Variants in RORC observed in about 807,000 individuals in gnomAD.
RORC encodes the protein RAR related orphan receptor C.
Under a neutral mutation model 64.5 loss-of-function variants are expected in RORC, and 13 were observed. That is an observed-to-expected ratio of 0.20 (90% CI 0.13 to 0.32). The LOEUF (loss-of-function observed/expected upper bound fraction) is 0.32, where lower values mean the gene tolerates loss of function less well. RORC is among the 10% of genes least tolerant of loss of function. The pLI is 1.00. For missense variants in RORC, 468 were observed against 669.5 expected (o/e 0.70, Z 3.32); for synonymous variants, 277 against 259.3 (o/e 1.07, Z -0.65).
chr1:151,824,773 T>C (rs1466592257), intron 2 of RORC, among the ~76,000 whole-genome samples: 3 of 152,218 alleles, frequency 2.0e-5, no homozygotes, highest in East Asian at 1.9e-4. Flanking sequence ...TGTTCTATCT[T>C]AAAATTCAGC....
chr1:151,825,988 G>GT, intron 2 of RORC: 2 of 1,610,264 alleles, frequency 1.2e-6, no homozygotes, highest in Non-Finnish European at 1.7e-6. Flanking sequence ...TCAGCAGGGG[G>GT]TGGTCCAGGA....
chr1:151,811,563 T>A, intron 9 of RORC, 129 bp from the exon 10 acceptor site: 1 of 549,950 alleles, frequency 1.8e-6, no homozygotes, highest in Non-Finnish European at 3.3e-6. Context: ...TGCATGTGTG[T>A]GCCTTGGTTT....
intron 2 of RORC, among the ~76,000 whole-genome samples, chr1:151,822,176 C>G (rs1203118528): frequency 6.6e-6 from 1 of 152,002 alleles, no homozygotes; most frequent in Non-Finnish European, 1.5e-5. Flanking sequence ...ACCACAGCTC[C>G]GGTCAGGGGT....
intron 2 of RORC, 125 bp from the exon 3 acceptor site, chr1:151,817,405 G>C (rs745676364): frequency 2.1e-5 from 14 of 672,828 alleles, no homozygotes; most frequent in Non-Finnish European, 3.5e-5. Context: ...CCAGCTTGCT[G>C]TTTCCCTCTT....
intron 4 of RORC, 42 bp downstream of exon 4, chr1:151,816,622 A>T: frequency 6.4e-7 from 1 of 1,569,036 alleles, no homozygotes; most frequent in Non-Finnish European, 8.6e-7. Flanking sequence ...GCCCCTCTGG[A>T]GACACCAGGA....
intron 10 of RORC, among the ~76,000 whole-genome samples, chr1:151,808,418 C>T (rs1056331713): frequency 1.3e-5 from 2 of 152,208 alleles, no homozygotes; most frequent in Admixed American, 6.5e-5. Context: ...CTTGCAGTCT[C>T]CTCTACAACC....
At chr1:151,810,105 T>G (rs74774218) in intron 10 of RORC, among the ~76,000 whole-genome samples, 1,972 of 152,314 alleles carry the variant, frequency 0.013, 53 homozygotes, top group African/African-American at 0.045. Flanking sequence ...ATTTTTCTCC[T>G]GTTGTTCTTG....
chr1:151,811,700 C>A, intron 9 of RORC: 1 of 285,968 alleles, frequency 3.5e-6, no homozygotes, highest in Non-Finnish European at 6.7e-6. Flanking sequence ...ACCTGATATT[C>A]CACATAGCTC....
At chr1:151,821,361 A>G (rs1185073484) in intron 2 of RORC, among the ~76,000 whole-genome samples, 1 of 152,142 alleles carries the variant, frequency 6.6e-6, no homozygotes, top group Non-Finnish European at 1.5e-5. Flanking sequence ...CGGGGTCCTC[A>G]TCTCCTCCTG....
chr1:151,824,106 A>T (rs1159422166), intron 2 of RORC, among the ~76,000 whole-genome samples: 1 of 152,172 alleles, frequency 6.6e-6, no homozygotes, highest in Non-Finnish European at 1.5e-5. Flanking sequence ...GGTGTGTCAC[A>T]GTCCCAAGCC....
chr1:151,831,739 T>C lies in RORC; in HGVS notation c.26A>G (p.His9Arg), dbSNP rs200855307. 1.7e-5 allele frequency: 27 copies of C among 1,610,578 alleles called. No individual in the cohort carries two copies. Among genetic ancestry groups the C allele is most frequent in the Non-Finnish European group, 2.1e-5 (25 of 1,179,970 alleles). The part of the protein sequence containing the change: MDRAPQRQ[H>R]RASRELLAAK... ...GGGCCTCTTACCCCGTGAGGCTCGG[T>C]GCTGTCTCTGTGGGGCCCTGTCCAT... The change falls in exon 1 of 11, where the codon CAC (histidine) becomes CGC (arginine). Residue 9 changes from histidine (H) to arginine (R), a missense_variant. Physicochemically the swap from His to Arg is conservative, Grantham distance 29 (BLOSUM62 0). Coordinates refer to ENST00000318247, the MANE Select transcript of RORC (RefSeq NM_005060.4).
intron 1 of RORC, chr1:151,831,123 C>T (rs1652395740): frequency 1.6e-6 from 2 of 1,284,060 alleles, no homozygotes; most frequent in Non-Finnish European, 2.0e-6. Flanking sequence ...GGCCCAGTGC[C>T]CCACATTCTC....
At chr1:151,823,083 T>C (rs1244805750) in intron 2 of RORC, among the ~76,000 whole-genome samples, 1 of 152,128 alleles carries the variant, frequency 6.6e-6, no homozygotes, top group Non-Finnish European at 1.5e-5. Context: ...TTGGTATTTC[T>C]GTTAGGAATG....
At position 151,813,619 on chromosome 1, in the gene RORC, G is replaced by C. The variant is rs142790947; in HGVS notation, c.935C>G (p.Ser312Cys). The C allele has an allele frequency of 6.2e-7, 1 of 1,614,152 alleles. No homozygotes were observed. Among genetic ancestry groups the C allele is most frequent in the East Asian group, 2.2e-5 (1 of 44,876 alleles). ...ACACCGTTCCCACATCTCCCACATG[G>C]ACTGCAGGGAGGGAGGAGGGTCCCG... Reference protein sequence around the residue: ...REEVTGYQRKSMWEMWERCAH... With the variant: ...REEVTGYQRKCMWEMWERCAH... Residue 312 changes from serine (S) to cysteine (C), a missense_variant and splice_region_variant, in exon 7 of 11, where the codon TCC becomes TGC. Coordinates refer to ENST00000318247, the MANE Select transcript of RORC (RefSeq NM_005060.4).
chr1:151,812,338 A>G (rs1327424358), intron 9 of RORC: 2 of 152,354 alleles, frequency 1.3e-5, no homozygotes, highest in Non-Finnish European at 2.9e-5. Context: ...AACCATATTC[A>G]ATAAATTACA....
At position 151,815,128 on chromosome 1, in the gene RORC, G is replaced by A. The variant is rs141253212; in HGVS notation, c.596C>T (p.Ser199Leu). 63 of 1,614,042 alleles carry A rather than the reference G, an allele frequency of 3.9e-5. No individual in the cohort carries two copies. The highest frequency in any genetic ancestry group is 8.0e-5 in the African/African-American group (6 of 74,942). Residue 199 changes from serine to leucine, a missense_variant, in exon 5 of 11, where the codon TCA (serine) becomes TTA (leucine). By Grantham distance (145) the Ser-to-Leu change is moderately radical. Coordinates refer to ENST00000318247, the MANE Select transcript of RORC (RefSeq NM_005060.4). ...NLAKAGLNGA[S>L]CHLEYSPERG... ...CTCAGGGCTGTATTCAAGGTGGCAT[G>A]AGGCCCCATTGAGCCCTGCCTTGGC...
intron 10 of RORC, among the ~76,000 whole-genome samples, chr1:151,809,497 G>A (rs1174099595): frequency 4.7e-5 from 7 of 150,292 alleles, no homozygotes; most frequent in South Asian, 2.1e-4. Context: ...CCGTGGGTGC[G>A]GAGTAGGTGT....
Position 151,807,552 on chromosome 1 carries a change from C to A in RORC, c.1477G>T (p.Val493Leu). The A allele has an allele frequency of 6.2e-7, 1 of 1,613,924 alleles. No homozygotes were observed. Among genetic ancestry groups the A allele is most frequent in the Non-Finnish European group, 8.5e-7 (1 of 1,179,942 alleles). Residue 493 changes from valine to leucine, a missense_variant, in exon 11 of 11, where the codon GTG (valine) becomes TTG (leucine). Physicochemically the swap from Val to Leu is conservative, Grantham distance 32. Transcript: ENST00000318247. The surrounding 1 kb of genome is among the most constrained non-coding windows in gnomAD (Gnocchi z 5.0). ...AGTGGAGGGAAAGCGGCTTGGACCA[C>A]GATGGGGTGGAGGTGCTGGAAGATC... Reference protein sequence around the residue: ...LQIFQHLHPIVVQAAFPPLYK... With the variant: ...LQIFQHLHPILVQAAFPPLYK...
Position 151,814,615 on chromosome 1 carries a change from T to C in RORC, c.892A>G (p.Asn298Asp), listed in dbSNP as rs780914666. 6.2e-7 allele frequency: 1 copy of C among 1,612,742 alleles called. No homozygotes were observed. The highest frequency in any genetic ancestry group is 8.5e-7 in the Non-Finnish European group (1 of 1,179,410). ...RLEDLLRQRSNIFSREEVTGY... is the reference protein window; with the variant it reads ...RLEDLLRQRSDIFSREEVTGY... ...GTCACTTCCTCCCGGGAGAAGATGT[T>C]GGAGCGCTGCCGCAGCAGGTCCTCC... The change falls in exon 6 of 11, where the codon AAC becomes GAC. Residue 298 changes from asparagine (N) to aspartate (D), a missense_variant. Asn to Asp is a conservative substitution (Grantham distance 23, BLOSUM62 1). This residue lies in a region of RORC where 100 missense variants were observed against 190.8 expected (regional missense o/e 0.52). Transcript: ENST00000318247.
Sources: gnomAD v4.1 joint callset for allele counts (sites outside exome capture counted in the v4.1 genomes callset) on GRCh38, gnomAD v4.1.1 for gene constraint, gnomAD v4.1.1 regional missense constraint, Gnocchi (gnomAD v3.1) non-coding constraint, MANE v1.5 for transcripts, NCBI Gene and HGNC (gene_info 2026-07-23, HGNC 2026-07-21) for gene names.